KTN1: variants seen among roughly 807,000 people sequenced by gnomAD.
KTN1 encodes kinectin 1, also known as kinectin.
A neutral mutation model predicts 222.5 loss-of-function variants in KTN1; 130 were observed. The observed-to-expected ratio is 0.58, with a 90% confidence interval of 0.51 to 0.68. The LOEUF is 0.68. Among genes scored for constraint, KTN1 ranks in the 30% least tolerant of loss-of-function variants. The pLI, the probability that KTN1 is intolerant of heterozygous loss-of-function variation, is 0.00. For synonymous variants in KTN1, 512 were observed against 496.3 expected (o/e 1.03, Z -0.42); for missense variants, 1,508 against 1,500.4 (o/e 1.01, Z -0.08).
At chr14:55,622,281 C>T (rs2039253293) in intron 5 of KTN1, among the ~76,000 whole-genome samples, 2 of 152,104 alleles carry the variant, frequency 1.3e-5, no homozygotes, top group Admixed American at 1.3e-4. Context: ...CTGAAGATCA[C>T]ACCGTTCAAA....
chr14:55,664,475 TC>T (rs2044487952), intron 33 of KTN1, among the ~76,000 whole-genome samples: 2 of 152,136 alleles, frequency 1.3e-5, no homozygotes, highest in African/African-American at 4.8e-5. Context: ...AGAGAAATGA[TC>T]AAAGTCTTAA....
chr14:55,653,066 C>T lies in KTN1; in HGVS notation c.2744C>T (p.Ala915Val). 6.3e-7 allele frequency: 1 copy of T among 1,595,380 alleles called. No homozygotes were observed. The highest frequency in any genetic ancestry group is 1.7e-4 in the Middle Eastern group (1 of 5,972). The change falls in exon 27 of 44, where the codon GCA (alanine) becomes GTA (valine). Residue 915 changes from alanine (A) to valine (V), a missense_variant. Ala to Val is a moderately conservative substitution (Grantham distance 64). Transcript: ENST00000395314. ...TTAAAAGCACATGTTCAGGAAGTAG[C>T]ACAACATAACTTGAAAGAGGTATAG... ...ESLKAHVQEV[A>V]QHNLKEASSA...
intron 1 of KTN1, among the ~76,000 whole-genome samples, chr14:55,593,113 A>G (rs1427712816): frequency 6.6e-6 from 1 of 151,956 alleles, no homozygotes; most frequent in Non-Finnish European, 1.5e-5. Flanking sequence ...TAATTTTCAT[A>G]TTTTAAATTT....
chr14:55,597,755 G>C (rs1328734637), intron 1 of KTN1, among the ~76,000 whole-genome samples: 1 of 152,102 alleles, frequency 6.6e-6, no homozygotes, highest in Non-Finnish European at 1.5e-5. Flanking sequence ...TTGGGAGGCT[G>C]AGGCCAGAGA....
chr14:55,641,886 T>G (rs1337530495), intron 18 of KTN1, 126 bp downstream of exon 18: 2 of 660,018 alleles, frequency 3.0e-6, no homozygotes, highest in Non-Finnish European at 5.5e-6. Flanking sequence ...TGTTATTGCC[T>G]TTCTATTCAT....
intron 1 of KTN1, among the ~76,000 whole-genome samples, chr14:55,590,117 A>G (rs531390422): frequency 2.0e-5 from 3 of 152,344 alleles, no homozygotes; most frequent in Admixed American, 6.5e-5. Flanking sequence ...CAAAGTAGGA[A>G]TAACTTTCTA....
chr14:55,633,656 A>G (rs1005907872), intron 8 of KTN1, among the ~76,000 whole-genome samples: 5 of 152,038 alleles, frequency 3.3e-5, no homozygotes, highest in African/African-American at 4.8e-5. Context: ...TACTAGTACC[A>G]CCAATGGAAT....
At chr14:55,630,903 A>G (rs1346722752) in intron 7 of KTN1, among the ~76,000 whole-genome samples, 1 of 152,204 alleles carries the variant, frequency 6.6e-6, no homozygotes, top group Non-Finnish European at 1.5e-5. Context: ...ACAAAGAGTT[A>G]GTTAGATAGG....
intron 42 of KTN1, chr14:55,679,287 T>G: frequency 3.3e-6 from 1 of 299,312 alleles, no homozygotes; most frequent in African/African-American, 2.2e-5. Context: ...AAAGAAAAAA[T>G]GGATATATTT....
At chr14:55,675,800 A>C in intron 40 of KTN1, 35 bp from the exon 41 acceptor site, 2 of 1,377,018 alleles carry the variant, frequency 1.5e-6, no homozygotes, top group Non-Finnish European at 2.1e-6. Flanking sequence ...AATGATGCAA[A>C]TTAAGTTAAT....
chr14:55,641,554 T>G (rs974824787), intron 17 of KTN1, 138 bp from the exon 18 acceptor site: 71 of 696,888 alleles, frequency 1.0e-4, no homozygotes, highest in Non-Finnish European at 1.8e-4. Flanking sequence ...AAATTTGAAT[T>G]ATGTCAGTGT....
At chr14:55,671,413 TTCA>T (rs1595268546) in intron 35 of KTN1, 150 bp from the exon 36 acceptor site, 9 of 596,208 alleles carry the variant, frequency 1.5e-5, no homozygotes, top group Non-Finnish European at 2.6e-5. Context: ...TTGAATGAAC[TTCA>T]TCGCTACTTA....
rs189285967 is a variant in KTN1 at position 55,625,159 on chromosome 14, A to G, written c.964-2753A>G. On this transcript the variant is annotated intron_variant, in intron 5 of 43. Coordinates refer to ENST00000395314, the MANE Select transcript of KTN1 (RefSeq NM_001079521.2). ...GCCACTTGCAGCTTTGTGGCCTTAG[A>G]TAAGTTACTTAGCTTCAGTGACTCA... 7.2e-5 allele frequency among the ~76,000 whole-genome samples: 11 copies of G among 152,262 alleles called. No individual in the cohort carries two copies. In the East Asian group the frequency reaches 1.7e-3, roughly 24 times the overall value.
At chr14:55,617,868 T>A in intron 3 of KTN1, 96 bp from the exon 4 acceptor site, 1 of 930,844 alleles carries the variant, frequency 1.1e-6, no homozygotes, top group Non-Finnish European at 1.6e-6. Flanking sequence ...AGTAAATGTT[T>A]CAAAAGAACT....
intron 1 of KTN1, among the ~76,000 whole-genome samples, chr14:55,580,903 T>C (rs1473224330): frequency 1.3e-5 from 2 of 152,196 alleles, no homozygotes; most frequent in East Asian, 3.9e-4. Flanking sequence ...GCTCGCCCCC[T>C]TCCCCGGCGC....
intron 33 of KTN1, among the ~76,000 whole-genome samples, chr14:55,665,592 C>G (rs889733225): frequency 5.3e-5 from 8 of 151,900 alleles, no homozygotes; most frequent in Admixed American, 1.3e-4. Flanking sequence ...AGTATTTTAA[C>G]TAGAAATAAG....
rs146213381 is a variant in KTN1, at chr14:55,675,570, T to G, written c.3772-265T>G. 14 of 320,354 alleles carry G rather than the reference T, an allele frequency of 4.4e-5. No homozygotes were observed. The East Asian group carries it at 7.4e-4, about 17-fold the overall frequency. The allele number at this position is 320,354 out of a possible 1,614,324, so 19.8% of individuals were successfully genotyped here. ...AAATAGTGATATCTTTAAAAGGTAC[T>G]TTACTGGAATTTGATGGTTTTGTTT... On this transcript the variant is annotated intron_variant, in intron 40 of 43. Coordinates refer to ENST00000395314, the MANE Select transcript of KTN1 (RefSeq NM_001079521.2).
At chr14:55,600,223 TTATTTTATTAA>T (rs1411353306) in intron 1 of KTN1, among the ~76,000 whole-genome samples, 1 of 151,374 alleles carries the variant, frequency 6.6e-6, no homozygotes, top group African/African-American at 2.4e-5. Flanking sequence ...CACCTAAGAG[TTATTTTATTAA>T]TATTTTATTA....
intron 23 of KTN1, 42 bp downstream of exon 23, chr14:55,650,460 CA>C: frequency 6.5e-7 from 1 of 1,526,720 alleles, no homozygotes; most frequent in Non-Finnish European, 9.0e-7. Context: ...TTTTGTTTAT[CA>C]ACTTTAGTTA....
Sources: gnomAD v4.1 joint callset for allele counts (sites outside exome capture counted in the v4.1 genomes callset) on GRCh38, gnomAD v4.1.1 for gene constraint, MANE v1.5 for transcripts, NCBI Gene and HGNC (gene_info 2026-07-23, HGNC 2026-07-21) for gene names.